Variants in WDFY4 observed in about 807,000 individuals in gnomAD.
WDFY4 encodes the protein WD repeat- and FYVE domain-containing protein 4.
Under a neutral mutation model 351.9 loss-of-function variants are expected in WDFY4, and 169 were observed. The ratio of observed to expected loss-of-function variants is 0.48; its 90% CI spans 0.42 to 0.55. WDFY4 has a LOEUF of 0.55. WDFY4 is among the 20% of genes least tolerant of loss of function. The pLI, the probability that WDFY4 is intolerant of heterozygous loss-of-function variation, is 0.00. For missense variants in WDFY4, 3,803 were observed against 3,935.6 expected (o/e 0.97, Z 0.90); for synonymous variants, 1,622 against 1,574.6 (o/e 1.03, Z -0.71).
At chr10:48,869,287 T>G (rs1275532710) in intron 40 of WDFY4, among the ~76,000 whole-genome samples, 1 of 152,112 alleles carries the variant, frequency 6.6e-6, no homozygotes. Flanking sequence ...AGACAGCTTC[T>G]CCCAGGTGCA....
At chr10:48,920,372 G>C (rs1185496314) in intron 47 of WDFY4, among the ~76,000 whole-genome samples, 1 of 151,844 alleles carries the variant, frequency 6.6e-6, no homozygotes, top group Non-Finnish European at 1.5e-5. Context: ...GTTGTGGGGT[G>C]GGGGGAAGGG....
chr10:48,760,531 C>A, intron 13 of WDFY4, 91 bp downstream of exon 13: 2 of 1,321,928 alleles, frequency 1.5e-6, no homozygotes, highest in South Asian at 1.3e-5. Context: ...TTCCTTTTGT[C>A]CGTGTCTTCA....
intron 39 of WDFY4, among the ~76,000 whole-genome samples, chr10:48,833,880 A>C (rs932992670): frequency 5.3e-5 from 8 of 152,214 alleles, no homozygotes; most frequent in African/African-American, 1.9e-4. Flanking sequence ...TTGGCCCATG[A>C]ACTTCGGGAA....
At chr10:48,931,673 G>T (rs567320813) in intron 47 of WDFY4, among the ~76,000 whole-genome samples, 1 of 152,322 alleles carries the variant, frequency 6.6e-6, no homozygotes, top group East Asian at 1.9e-4. Context: ...TGCATGGAAG[G>T]CCCTTGTCTT....
intron 24 of WDFY4, among the ~76,000 whole-genome samples, chr10:48,800,516 G>A (rs1050381026): frequency 3.3e-5 from 5 of 151,682 alleles, no homozygotes; most frequent in African/African-American, 1.2e-4. Context: ...GGGACAGGAG[G>A]TTGTGAGGGA....
At chr10:48,845,171 C>G (rs2133141861) in intron 39 of WDFY4, among the ~76,000 whole-genome samples, 1 of 152,286 alleles carries the variant, frequency 6.6e-6, no homozygotes, top group African/African-American at 2.4e-5. Flanking sequence ...GTGGCAGGAG[C>G]CGGCCACCAA....
Position 48,920,841 on chromosome 10 carries a change from C to A in WDFY4, c.7586+18978C>A, listed in dbSNP as rs149393583. ...GATACAAGGTTAGCACACAAAACAC[C>A]CATTGCATTTCCATATTACTAGCTA... On this transcript the variant is annotated intron_variant, in intron 47 of 61. Transcript: ENST00000325239. Among the ~76,000 whole-genome samples the A allele has an allele frequency of 4.4e-4, 67 of 152,312 alleles. 1 individual carries two copies. In the East Asian group the frequency reaches 0.01, roughly 24 times the overall value.
chr10:48,872,178 A>T (rs1437106743), intron 40 of WDFY4, among the ~76,000 whole-genome samples: 1 of 152,234 alleles, frequency 6.6e-6, no homozygotes, highest in Non-Finnish European at 1.5e-5. Flanking sequence ...AAGTTATGAG[A>T]ACAATTTACT....
rs1291731783 is a variant in WDFY4, at chr10:48,786,729, G to C, written c.3667G>C (p.Val1223Leu). Residue 1223 changes from valine (V) to leucine (L), a missense_variant, in exon 20 of 62, where the codon GTC becomes CTC. Physicochemically the swap from Val to Leu is conservative, Grantham distance 32. Coordinates refer to ENST00000325239, the MANE Select transcript of WDFY4 (RefSeq NM_001394531.1). ...DVYGYIATPR[V>L]WKQKSSLIWR... ...TTATGGATATATTGCTACTCCTCGA[G>C]TCTGGAAACAAAAGTCTTCATTAAT... 2.6e-5 allele frequency: 40 copies of C among 1,552,154 alleles called. No individual in the cohort carries two copies. Among genetic ancestry groups the C allele is most frequent in the Non-Finnish European group, 3.5e-5 (40 of 1,147,136 alleles).
At chr10:48,913,574 C>G (rs1283916239) in intron 47 of WDFY4, 2 of 1,614,004 alleles carry the variant, frequency 1.2e-6, no homozygotes, top group African/African-American at 1.3e-5. Context: ...AGTTCTCCAG[C>G]CTCCTGATGG....
intron 47 of WDFY4, among the ~76,000 whole-genome samples, chr10:48,926,662 T>C (rs1839596134): frequency 6.6e-6 from 1 of 152,216 alleles, no homozygotes; most frequent in Non-Finnish European, 1.5e-5. Context: ...TTTTCATAGA[T>C]GTACCATATA....
At chr10:48,761,782 G>A (rs2065514521) in intron 13 of WDFY4, among the ~76,000 whole-genome samples, 1 of 152,246 alleles carries the variant, frequency 6.6e-6, no homozygotes, top group Non-Finnish European at 1.5e-5. Flanking sequence ...AGGTTTATCA[G>A]CAGCCAAGGA....
chr10:48,900,178 T>C (rs1442017476), intron 45 of WDFY4, 43 bp from the exon 46 acceptor site: 1 of 1,531,706 alleles, frequency 6.5e-7, no homozygotes, highest in Non-Finnish European at 8.8e-7. Context: ...GCGTCTCTAG[T>C]CCACAAAATA....
chr10:48,820,967 G>A (rs916731295), intron 33 of WDFY4, 95 bp from the exon 34 acceptor site: 18 of 829,822 alleles, frequency 2.2e-5, no homozygotes, highest in South Asian at 7.7e-5. Flanking sequence ...TGGCAGATGC[G>A]GCATAAGTGT....
chr10:48,721,113 G>C lies in WDFY4; in HGVS notation c.350-148G>C. 4 of 699,112 alleles carry C rather than the reference G, an allele frequency of 5.7e-6. 1 individual carries two copies. The South Asian group carries it at 6.9e-5, about 12-fold the overall frequency. The allele number at this position is 699,112 out of a possible 1,614,324, so 43.3% of individuals were successfully genotyped here. ...GGCAGGGTGTGGAGCGTTTGGTAGAGATGCAGGTGGCCTTGGGGATGTGTA... is the reference window on the plus strand; with the variant it reads ...GGCAGGGTGTGGAGCGTTTGGTAGACATGCAGGTGGCCTTGGGGATGTGTA... On this transcript the variant is annotated intron_variant, in intron 3 of 61. Transcript: ENST00000325239.
At chr10:48,791,539 G>A (rs2066680170) in intron 23 of WDFY4, among the ~76,000 whole-genome samples, 1 of 152,204 alleles carries the variant, frequency 6.6e-6, no homozygotes. Context: ...TATGTGTTGA[G>A]AGCTTAGAGG....
chr10:48,729,972 T>G (rs2064403051), intron 8 of WDFY4, among the ~76,000 whole-genome samples: 1 of 152,214 alleles, frequency 6.6e-6, no homozygotes, highest in Non-Finnish European at 1.5e-5. Flanking sequence ...ATACTTTCTG[T>G]GTGGCAGGCA....
chr10:48,690,511 C>A (rs1341321503), intron 1 of WDFY4, among the ~76,000 whole-genome samples: 2 of 152,186 alleles, frequency 1.3e-5, no homozygotes, highest in African/African-American at 4.8e-5. Context: ...TGAAGAGGAG[C>A]TTTATTAAGT....
chr10:48,885,734 C>CTATA (rs60188648), intron 43 of WDFY4, among the ~76,000 whole-genome samples: 7 of 151,162 alleles, frequency 4.6e-5, no homozygotes, highest in African/African-American at 1.7e-4. Flanking sequence ...CTCTCTCTCT[C>CTATA]TATATATATA....
Sources: allele counts gnomAD v4.1 joint callset (sites outside exome capture counted in the v4.1 genomes callset), GRCh38; gene constraint gnomAD v4.1.1; transcripts MANE v1.5; gene names NCBI Gene and HGNC (gene_info 2026-07-23, HGNC 2026-07-21).